The following SLC38A12 variants were observed in gnomAD, a reference collection of about 807,000 sequenced individuals.
SLC38A12 encodes solute carrier family 38 member 12, also known as putative sodium-coupled neutral amino acid transporter 12.
the SLC38A12 span, chr17:74,790,188 A>C: frequency 6.2e-7 from 1 of 1,608,240 alleles, no homozygotes. Flanking sequence ...CGTCCATCCT[A>C]CTGGCTCCCA....
At chr17:74,788,738 C>G in the SLC38A12 span, 6 of 1,540,144 alleles carry the variant, frequency 3.9e-6, no homozygotes, top group East Asian at 1.1e-4. Context: ...CCTTCTCTCT[C>G]TGTCTCCTCC....
the SLC38A12 span, among the ~76,000 whole-genome samples, chr17:74,834,988 A>G: frequency 6.6e-6 from 1 of 152,240 alleles, no homozygotes; most frequent in Non-Finnish European, 1.5e-5. Flanking sequence ...TGCGGTGCGC[A>G]GGCTGCCTCT....
At chr17:74,785,547 C>T in the SLC38A12 span, 20 of 1,614,046 alleles carry the variant, frequency 1.2e-5, no homozygotes, top group East Asian at 8.9e-5. Flanking sequence ...CCAAGGCATT[C>T]GCCACTGCCG....
chr17:74,838,209 G>A, the SLC38A12 span: 4 of 985,580 alleles, frequency 4.1e-6, no homozygotes, highest in African/African-American at 7.0e-5. Flanking sequence ...TCGCACCTCA[G>A]TGTTTCTCAT....
At chr17:74,806,940 C>A in the SLC38A12 span, among the ~76,000 whole-genome samples, 1 of 152,304 alleles carries the variant, frequency 6.6e-6, no homozygotes, top group Admixed American at 6.5e-5. Context: ...CAGAACTGCC[C>A]CAGGGTCATG....
At chr17:74,797,211 G>T in the SLC38A12 span, among the ~76,000 whole-genome samples, 2 of 152,298 alleles carry the variant, frequency 1.3e-5, no homozygotes, top group South Asian at 4.2e-4. Flanking sequence ...TTGTTAAATG[G>T]TTCCCTCACT....
the SLC38A12 span, among the ~76,000 whole-genome samples, chr17:74,797,271 A>G: frequency 1.4e-4 from 22 of 152,308 alleles, no homozygotes; most frequent in African/African-American, 5.1e-4. Flanking sequence ...CTGGATCTCA[A>G]TAACTCTCTG....
the SLC38A12 span, among the ~76,000 whole-genome samples, chr17:74,820,568 C>T: frequency 2.6e-5 from 4 of 152,214 alleles, no homozygotes; most frequent in African/African-American, 4.8e-5. Context: ...GTGGCCAGCA[C>T]GGCTTTGGGC....
At chr17:74,795,562 A>T in the SLC38A12 span, 18 of 1,614,036 alleles carry the variant, frequency 1.1e-5, no homozygotes, top group East Asian at 2.0e-4. Flanking sequence ...GTGGAAGCAG[A>T]CACCAAATAC....
At chr17:74,815,228 C>T in the SLC38A12 span, among the ~76,000 whole-genome samples, 600 of 152,208 alleles carry the variant, frequency 3.9e-3, 3 homozygotes, top group Middle Eastern at 0.017. Context: ...TGTGTGTTAG[C>T]GCTTGGCAGA....
chr17:74,779,787 T>G, the SLC38A12 span, among the ~76,000 whole-genome samples: 4 of 152,304 alleles, frequency 2.6e-5, no homozygotes, highest in East Asian at 5.8e-4. Context: ...TCTCCTTAGC[T>G]CTCTATTGCC....
the SLC38A12 span, among the ~76,000 whole-genome samples, chr17:74,797,013 A>G: frequency 6.6e-6 from 1 of 152,252 alleles, no homozygotes; most frequent in Non-Finnish European, 1.5e-5. Flanking sequence ...TCGCACAGAC[A>G]TGGTGGCATG....
the SLC38A12 span, chr17:74,795,711 G>C: frequency 9.0e-7 from 1 of 1,114,934 alleles, no homozygotes; most frequent in Non-Finnish European, 1.3e-6. Flanking sequence ...TTTACTTCCA[G>C]GTAGAATCCT....
At chr17:74,819,942 G>T in the SLC38A12 span, 1 of 1,104,168 alleles carries the variant, frequency 9.1e-7, no homozygotes, top group South Asian at 1.3e-5. Context: ...CGTAGCTGGA[G>T]TGTGGTGGTG....
chr17:74,800,241 C>A, the SLC38A12 span, among the ~76,000 whole-genome samples: 1 of 152,230 alleles, frequency 6.6e-6, no homozygotes, highest in Admixed American at 6.5e-5. Flanking sequence ...GCCCTGGAAG[C>A]CTGACATTTT....
At chr17:74,819,934 T>A in the SLC38A12 span, 1 of 1,184,386 alleles carries the variant, frequency 8.4e-7, no homozygotes, top group Non-Finnish European at 1.2e-6. Flanking sequence ...CCCCCAGCCG[T>A]AGCTGGAGTG....
At chr17:74,794,494 G>A in the SLC38A12 span, among the ~76,000 whole-genome samples, 204 of 152,332 alleles carry the variant, frequency 1.3e-3, no homozygotes, top group African/African-American at 4.7e-3. Context: ...GAGACAGTTG[G>A]CCTTTGGAAA....
At chr17:74,802,726 T>C in the SLC38A12 span, among the ~76,000 whole-genome samples, 16 of 152,244 alleles carry the variant, frequency 1.1e-4, no homozygotes, top group Non-Finnish European at 1.5e-5. Context: ...ATCGTGTCAG[T>C]GCTCAAAAAG....
At chr17:74,839,280 C>T in the SLC38A12 span, 1 of 1,126,226 alleles carries the variant, frequency 8.9e-7, no homozygotes, top group Non-Finnish European at 1.2e-6. Flanking sequence ...CACTACGGGG[C>T]AGGGAGCAGC....
Sources: gnomAD v4.1 joint callset for allele counts (sites outside exome capture counted in the v4.1 genomes callset) on GRCh38, gnomAD v4.1.1 for gene constraint, MANE v1.5 for transcripts, NCBI Gene and HGNC (gene_info 2026-07-23, HGNC 2026-07-21) for gene names.